Variants in PKIB observed in about 807,000 individuals in gnomAD.
The protein encoded by PKIB is cAMP-dependent protein kinase inhibitor beta, also known as PKI-beta.
Under a neutral mutation model 4.5 loss-of-function variants are expected in PKIB, and 2 were observed. That is an observed-to-expected ratio of 0.44 (90% CI 0.18 to 1.39). PKIB has a LOEUF of 1.39. PKIB is among the 40% of genes most tolerant of loss of function. The pLI is 0.27. For synonymous variants in PKIB, 38 were observed against 36.0 expected (o/e 1.06, Z -0.20); for missense variants, 94 against 92.6 (o/e 1.02, Z -0.06).
At chr6:122,620,000 A>G (rs1458484379) in intron 1 of PKIB, among the ~76,000 whole-genome samples, 1 of 151,974 alleles carries the variant, frequency 6.6e-6, no homozygotes, top group East Asian at 1.9e-4. Context: ...AGCCCTTCCT[A>G]TTGGAGACTG....
intron 4 of PKIB, among the ~76,000 whole-genome samples, chr6:122,719,630 A>C (rs577726874): frequency 6.6e-6 from 1 of 152,236 alleles, no homozygotes; most frequent in African/African-American, 2.4e-5. Flanking sequence ...GATCTATTGT[A>C]GCAACATGAT....
exon 1 of PKIB, chr6:122,471,939 A>C: frequency 1.7e-6 from 2 of 1,204,136 alleles, no homozygotes; most frequent in South Asian, 1.7e-5. Flanking sequence ...GCGTCACTAG[A>C]CGACACGGCT....
intron 2 of PKIB, among the ~76,000 whole-genome samples, chr6:122,550,025 C>T (rs1772628452): frequency 6.6e-6 from 1 of 151,898 alleles, no homozygotes; most frequent in Admixed American, 6.6e-5. Flanking sequence ...AGTCATTCTC[C>T]TGCCTCAGCC....
intron 3 of PKIB, among the ~76,000 whole-genome samples, chr6:122,590,135 A>G (rs1773973256): frequency 6.6e-6 from 1 of 152,192 alleles, no homozygotes; most frequent in Non-Finnish European, 1.5e-5. Context: ...GATGAGTGGT[A>G]TCTGATTAAA....
intron 1 of PKIB, among the ~76,000 whole-genome samples, chr6:122,620,985 C>T (rs569835462): frequency 6.6e-6 from 1 of 152,076 alleles, no homozygotes; most frequent in African/African-American, 2.4e-5. Context: ...CTGACCATGT[C>T]GTTCCCTTGA....
chr6:122,615,195 A>AG (rs35437259), intron 1 of PKIB, among the ~76,000 whole-genome samples: 19,678 of 152,052 alleles, frequency 0.13, 1,549 homozygotes, highest in South Asian at 0.27. Flanking sequence ...AGTAGTGAAA[A>AG]GAAAAAAAAA....
At chr6:122,493,550 A>G (rs1441592510) in intron 2 of PKIB, 1 of 152,192 alleles carries the variant, frequency 6.6e-6, no homozygotes, top group Admixed American at 6.5e-5. Flanking sequence ...TTATTTTATT[A>G]TGCATATCTG....
At chr6:122,661,942 G>A (rs768674930) in intron 2 of PKIB, among the ~76,000 whole-genome samples, 1 of 151,902 alleles carries the variant, frequency 6.6e-6, no homozygotes, top group African/African-American at 2.4e-5. Flanking sequence ...CCCTAATAGG[G>A]GATAATGATG....
At chr6:122,656,124 C>G (rs1776767724) in intron 2 of PKIB, among the ~76,000 whole-genome samples, 1 of 151,966 alleles carries the variant, frequency 6.6e-6, no homozygotes, top group Admixed American at 6.6e-5. Context: ...TTAGCACTTA[C>G]AAATATTTAT....
At chr6:122,521,781 C>CT (rs941593689) in intron 2 of PKIB, among the ~76,000 whole-genome samples, 34 of 152,256 alleles carry the variant, frequency 2.2e-4, no homozygotes, top group African/African-American at 6.0e-4. Context: ...AGCTTTTTCA[C>CT]TTTTTTTATT....
intron 2 of PKIB, among the ~76,000 whole-genome samples, chr6:122,634,518 C>T (rs1582759901): frequency 6.6e-6 from 1 of 152,086 alleles, no homozygotes; most frequent in East Asian, 1.9e-4. Flanking sequence ...AGGTCAGCTG[C>T]AGCCTGAGGG....
rs1005804623 is a variant in PKIB at position 122,518,237 on chromosome 6, T to G, written c.-248+40298T>G. On this transcript the variant is annotated intron_variant, in intron 2 of 6. Transcript: ENST00000392491. ...TAAAAGTTACTCTTAGCTTCTTGGT[T>G]GTACAAATGCAGGCAGTGGGCTGTA... 5.3e-5 allele frequency among the ~76,000 whole-genome samples: 8 copies of G among 152,216 alleles called. No individual in the cohort carries two copies. In the East Asian group the frequency reaches 1.5e-3, roughly 29 times the overall value.
intron 3 of PKIB, among the ~76,000 whole-genome samples, chr6:122,596,196 T>C (rs1774171466): frequency 6.6e-6 from 1 of 152,174 alleles, no homozygotes; most frequent in Non-Finnish European, 1.5e-5. Context: ...TTCAGGGATG[T>C]CCTAGAAAGG....
intron 3 of PKIB, among the ~76,000 whole-genome samples, chr6:122,688,924 A>C (rs891308381): frequency 6.6e-6 from 1 of 151,248 alleles, no homozygotes; most frequent in Admixed American, 6.6e-5. Flanking sequence ...GGGACTACAG[A>C]CGCCCGCCAC....
chr6:122,502,878 G>A (rs1470814955), intron 2 of PKIB, among the ~76,000 whole-genome samples: 1 of 151,886 alleles, frequency 6.6e-6, no homozygotes, highest in Non-Finnish European at 1.5e-5. Flanking sequence ...TCAGTCAAGA[G>A]TAGTGTCTTA....
rs564107125 is a variant in PKIB, at chr6:122,588,045, G to A, written c.-161+2038G>A. On this transcript the variant is annotated intron_variant, in intron 3 of 6. Coordinates refer to the PKIB transcript ENST00000392491. ...TAGTTTAATTAGATCCCATTTGTCA[G>A]TTTTGGCTTTTGTTGCCATTGCTTT... 9.4e-3 allele frequency among the ~76,000 whole-genome samples: 1,427 copies of A among 152,002 alleles called. 8 individuals are homozygous for A. The highest frequency in any genetic ancestry group is 0.015 in the Non-Finnish European group (1,011 of 67,908).
chr6:122,559,626 C>A (rs1469929221), intron 2 of PKIB, among the ~76,000 whole-genome samples: 1 of 151,922 alleles, frequency 6.6e-6, no homozygotes, highest in Non-Finnish European at 1.5e-5. Context: ...TTGTAGATTG[C>A]TTTTGGTACT....
chr6:122,710,687 G>A (rs146798820), intron 3 of PKIB, among the ~76,000 whole-genome samples: 2 of 152,284 alleles, frequency 1.3e-5, no homozygotes, highest in East Asian at 1.9e-4. Flanking sequence ...GTGCTAGCAC[G>A]CAGCCTTCAC....
At chr6:122,542,669 C>A (rs910056988) in intron 2 of PKIB, among the ~76,000 whole-genome samples, 1 of 152,108 alleles carries the variant, frequency 6.6e-6, no homozygotes. Flanking sequence ...GGGTCAAGGA[C>A]CCACTTGAGG....
Sources: gnomAD v4.1 joint callset for allele counts (sites outside exome capture counted in the v4.1 genomes callset) on GRCh38, gnomAD v4.1.1 for gene constraint, MANE v1.5 for transcripts, NCBI Gene and HGNC (gene_info 2026-07-23, HGNC 2026-07-21) for gene names.